MME: variants seen among roughly 807,000 people sequenced by gnomAD.
MME encodes membrane metalloendopeptidase, also known as neprilysin.
A neutral mutation model predicts 113.2 loss-of-function variants in MME; 98 were observed. That is an observed-to-expected ratio of 0.87 (90% CI 0.74 to 1.02). The LOEUF is 1.02. Among genes scored for constraint, MME ranks in the 50% least tolerant of loss-of-function variants. MME has a pLI of 0.00. For missense variants in MME, 836 were observed against 896.0 expected (o/e 0.93, Z 0.86); for synonymous variants, 292 against 300.6 (o/e 0.97, Z 0.30).
At position 155,069,321 on chromosome 3, in the gene MME, G is replaced by A. The variant is rs575851355; in HGVS notation, c.-10-14837G>A. 2.6e-5 allele frequency among the ~76,000 whole-genome samples: 4 copies of A among 152,308 alleles called. No homozygotes were observed. In the East Asian group the frequency reaches 7.7e-4, roughly 29 times the overall value. The stretch of plus-strand genomic sequence containing the variant: ...GTTGTAGAAGCTAAGAGAACTGAAA[G>A]TTCAAGAAATAGATGTATTAAAGAT... On this transcript the variant is annotated intron_variant, in intron 1 of 22. Coordinates refer to the MME transcript ENST00000492661.
chr3:155,138,036 A>C (rs1720768507), intron 8 of MME, 66 bp from the exon 9 acceptor site: 3 of 1,560,708 alleles, frequency 1.9e-6, no homozygotes, highest in Middle Eastern at 1.7e-4. Context: ...AATGAAAATA[A>C]ATTTTAAGTA....
intron 3 of MME, chr3:155,085,554 CAG>C (rs1715623055): frequency 6.6e-6 from 1 of 152,602 alleles, no homozygotes; most frequent in Admixed American, 6.5e-5. Flanking sequence ...TATTTTGAGA[CAG>C]AGTCTCGCTC....
At chr3:155,074,793 G>T (rs568111687), upstream of MME, among the ~76,000 whole-genome samples, 3 of 151,832 alleles carry the variant, frequency 2.0e-5, no homozygotes, top group East Asian at 3.9e-4. Context: ...ATATATATGT[G>T]GTTTTATATT....
chr3:155,060,724 G>A (rs147818600), intron 1 of MME, among the ~76,000 whole-genome samples: 2 of 151,100 alleles, frequency 1.3e-5, no homozygotes, highest in Non-Finnish European at 2.9e-5. Flanking sequence ...TCTGGAGGGT[G>A]GAAGTCTGTA....
At chr3:155,152,853 A>G (rs1722033600) in intron 16 of MME, among the ~76,000 whole-genome samples, 2 of 152,076 alleles carry the variant, frequency 1.3e-5, no homozygotes, top group Non-Finnish European at 2.9e-5. Context: ...AGAAAAAAAA[A>G]AAATGGTCAC....
intron 3 of MME, among the ~76,000 whole-genome samples, chr3:155,088,560 G>A (rs1715986775): frequency 6.6e-6 from 1 of 151,870 alleles, no homozygotes; most frequent in South Asian, 2.1e-4. Flanking sequence ...GCGCATGCCT[G>A]TAATTCCAGC....
chr3:155,039,932 A>T (rs1397186372), intron 1 of MME, among the ~76,000 whole-genome samples: 5 of 151,664 alleles, frequency 3.3e-5, no homozygotes, highest in Non-Finnish European at 7.4e-5. Context: ...TGAAATAAAG[A>T]TAAAATTTTT....
chr3:155,143,547 A>G lies in MME; in HGVS notation c.1293A>G (p.Ala431=), dbSNP rs1261934249. The change falls in exon 13 of 23, where the codon GCA becomes GCG. Residue 431 remains alanine (A), a synonymous_variant. Coordinates refer to ENST00000360490, the MANE Select transcript of MME (RefSeq NM_007289.4). ...TGGGGAGGCTTTATGTGGAAGCAGC[A>G]TTTGCTGGAGAGAGTAAACATGTGG... is the stretch of plus-strand genomic sequence containing the variant. The part of the protein sequence containing the change: ...NAVGRLYVEA[A]FAGESKHVVE... 6.2e-7 allele frequency: 1 copy of G among 1,612,592 alleles called. No homozygotes were observed.
At chr3:155,139,976 G>C (rs1466543964) in intron 9 of MME, among the ~76,000 whole-genome samples, 1 of 151,940 alleles carries the variant, frequency 6.6e-6, no homozygotes, top group Non-Finnish European at 1.5e-5. Context: ...TTTTAAACTT[G>C]ACCCCACAGC....
rs373824961 is a variant in MME, at chr3:155,127,260, T to C, written c.720+8449T>C. Among the ~76,000 whole-genome samples the C allele has an allele frequency of 4.2e-3, 646 of 152,280 alleles. 7 individuals are homozygous for C. The highest frequency in any genetic ancestry group is 3.3e-3 in the Non-Finnish European group (224 of 68,024). On this transcript the variant is annotated intron_variant, in intron 8 of 22. Transcript: ENST00000360490. ...AGGCCATCCAGATGAGGCAGGAAGC[T>C]CTGCTCCATGGGAATGTCTGGGAGC...
At chr3:155,074,881 A>G (rs78518648), upstream of MME, among the ~76,000 whole-genome samples, 103 of 152,320 alleles carry the variant, frequency 6.8e-4, no homozygotes, top group East Asian at 0.017. Flanking sequence ...ATAGTTTGGC[A>G]TATAATCAAT....
At chr3:155,101,442 G>C (rs1047002192) in intron 3 of MME, among the ~76,000 whole-genome samples, 4 of 151,990 alleles carry the variant, frequency 2.6e-5, no homozygotes, top group African/African-American at 9.7e-5. Context: ...CACTCACTGG[G>C]GCCAAGGTCA....
At position 155,084,184 on chromosome 3, in the gene MME, G is replaced by C. The variant is rs1576697313; in HGVS notation, c.17G>C (p.Ser6Thr). Residue 6 changes from serine (S) to threonine (T), a missense_variant, in exon 2 of 23, where the codon AGT becomes ACT. Physicochemically the swap from Ser to Thr is moderately conservative, Grantham distance 58 (BLOSUM62 1). Coordinates refer to ENST00000360490, the MANE Select transcript of MME (RefSeq NM_007289.4). MGKSE[S>T]QMDITDINTP... ...TTTTAGGTGATGGGCAAGTCAGAAA[G>C]TCAGATGGATATAACTGATATCAAC... 6.2e-7 allele frequency: 1 copy of C among 1,614,042 alleles called. No individual in the cohort carries two copies. Among genetic ancestry groups the C allele is most frequent in the African/African-American group, 1.3e-5 (1 of 75,014 alleles).
chr3:155,052,277 G>A (rs1458771510), intron 1 of MME, among the ~76,000 whole-genome samples: 2 of 152,092 alleles, frequency 1.3e-5, no homozygotes, highest in African/African-American at 2.4e-5. Flanking sequence ...TCTGGAAGAC[G>A]GTGGCCCTCT....
chr3:155,079,007 C>T (rs1421709685), upstream of MME, among the ~76,000 whole-genome samples: 2 of 152,082 alleles, frequency 1.3e-5, no homozygotes, highest in Non-Finnish European at 2.9e-5. Flanking sequence ...TTCTCTTTCT[C>T]ACTCCCCACC....
chr3:155,091,571 A>C (rs1397790784), intron 3 of MME, among the ~76,000 whole-genome samples: 1 of 152,166 alleles, frequency 6.6e-6, no homozygotes, highest in Non-Finnish European at 1.5e-5. Context: ...TCCTGGTTTG[A>C]CATTTAACAT....
At chr3:155,076,498 C>T (rs1243267148), upstream of MME, among the ~76,000 whole-genome samples, 1 of 152,138 alleles carries the variant, frequency 6.6e-6, no homozygotes, top group Non-Finnish European at 1.5e-5. Context: ...ACATATCCTT[C>T]TTGATTTTTT....
At chr3:155,062,019 A>G (rs1410487460) in intron 1 of MME, among the ~76,000 whole-genome samples, 2 of 152,166 alleles carry the variant, frequency 1.3e-5, no homozygotes, top group Non-Finnish European at 2.9e-5. Flanking sequence ...TTATTTGCAA[A>G]TAACAGCAGT....
At chr3:155,048,528 T>G (rs1713643814) in intron 1 of MME, among the ~76,000 whole-genome samples, 1 of 152,208 alleles carries the variant, frequency 6.6e-6, no homozygotes, top group Non-Finnish European at 1.5e-5. Flanking sequence ...ACAACAAATC[T>G]TGAATTTTTT....
Sources: allele counts gnomAD v4.1 joint callset (sites outside exome capture counted in the v4.1 genomes callset), GRCh38; gene constraint gnomAD v4.1.1; transcripts MANE v1.5; gene names NCBI Gene and HGNC (gene_info 2026-07-23, HGNC 2026-07-21).